The following TENM3 variants were observed in gnomAD, a reference collection of about 807,000 sequenced individuals.
The protein encoded by TENM3 is teneurin transmembrane protein 3.
TENM3 carries 63 observed loss-of-function variants against 255.1 expected under a neutral mutation model. That is an observed-to-expected ratio of 0.25 (90% CI 0.20 to 0.30). The LOEUF (loss-of-function observed/expected upper bound fraction) is 0.30. TENM3 is among the 10% of genes least tolerant of loss of function. The pLI is 1.00. For synonymous variants in TENM3, 1,306 were observed against 1,322.3 expected (o/e 0.99, Z 0.27); for missense variants, 2,929 against 3,461.1 (o/e 0.85, Z 3.86).
At chr4:181,452,379 C>T in the TENM3 span, among the ~76,000 whole-genome samples, 1 of 152,108 alleles carries the variant, frequency 6.6e-6, no homozygotes, top group African/African-American at 2.4e-5. Context: ...CCATAATCCC[C>T]TCGTGTTGTG....
chr4:181,951,546 G>T, the TENM3 span, among the ~76,000 whole-genome samples: 2 of 152,212 alleles, frequency 1.3e-5, no homozygotes, highest in Non-Finnish European at 2.9e-5. Flanking sequence ...GAACGGCAAA[G>T]TCCATATTTG....
At chr4:182,103,758 T>G in the TENM3 span, among the ~76,000 whole-genome samples, 1 of 152,196 alleles carries the variant, frequency 6.6e-6, no homozygotes, top group Non-Finnish European at 1.5e-5. Flanking sequence ...TGTGCCATTA[T>G]AATAATGGTT....
At chr4:181,932,532 G>A in the TENM3 span, among the ~76,000 whole-genome samples, 1 of 152,362 alleles carries the variant, frequency 6.6e-6, no homozygotes, top group East Asian at 1.9e-4. Context: ...TAGAGAGGAT[G>A]TGGAAAAATA....
At chr4:182,303,899 A>C (rs974828593) in intron 1 of TENM3, among the ~76,000 whole-genome samples, 2 of 152,212 alleles carry the variant, frequency 1.3e-5, no homozygotes, top group African/African-American at 4.8e-5. Flanking sequence ...TTTTAATTCG[A>C]AGCTTTCCTC....
chr4:182,624,117 G>A (rs1750590956), intron 4 of TENM3, among the ~76,000 whole-genome samples: 1 of 152,326 alleles, frequency 6.6e-6, no homozygotes, highest in South Asian at 2.1e-4. Context: ...GAGGCCAGGA[G>A]CAGGGCCTTC....
the TENM3 span, among the ~76,000 whole-genome samples, chr4:181,609,299 T>C: frequency 6.6e-6 from 1 of 152,254 alleles, no homozygotes; most frequent in Non-Finnish European, 1.5e-5. Flanking sequence ...ATAGAAATGC[T>C]TATTGCTGGA....
intron 18 of TENM3, among the ~76,000 whole-genome samples, chr4:182,739,638 A>G (rs1761448779): frequency 6.6e-6 from 1 of 152,188 alleles, no homozygotes; most frequent in African/African-American, 2.4e-5. Flanking sequence ...TTCAGTGTTC[A>G]TTCCTGCTTG....
the TENM3 span, among the ~76,000 whole-genome samples, chr4:182,134,639 A>C: frequency 6.6e-6 from 1 of 152,206 alleles, no homozygotes; most frequent in Non-Finnish European, 1.5e-5. Flanking sequence ...AAACACAGAA[A>C]GAAATTTGGA....
the TENM3 span, among the ~76,000 whole-genome samples, chr4:181,670,245 G>T: frequency 6.6e-6 from 1 of 152,114 alleles, no homozygotes; most frequent in Non-Finnish European, 1.5e-5. Context: ...CCATAGATAT[G>T]AATTTGAAAA....
Position 182,799,451 on chromosome 4 carries a change from C to A in TENM3, c.7345-145C>A, listed in dbSNP as rs1392915795. ...GGAGGGATCTCGAGTGCTCCCTCCA[C>A]CCGGGCTGTCAGCCTTCTGGTCAGG... On this transcript the variant is annotated intron_variant, in intron 27 of 27. Coordinates refer to ENST00000511685, the MANE Select transcript of TENM3 (RefSeq NM_001080477.4). The surrounding 1 kb of genome is among the most constrained non-coding windows in gnomAD (Gnocchi z 4.2). The A allele has an allele frequency of 9.7e-7, 1 of 1,029,940 alleles. No homozygotes were observed. The allele number at this position is 1,029,940 out of a possible 1,614,324, so 63.8% of individuals were successfully genotyped here.
chr4:181,641,556 A>G, the TENM3 span, among the ~76,000 whole-genome samples: 1,082 of 23,640 alleles, frequency 0.046, 5 homozygotes, highest in East Asian at 0.074. Flanking sequence ...GTGTGTGTGT[A>G]TATATATATA....
chr4:182,548,285 ATGTTTAGAATT>A (rs1741652631), intron 3 of TENM3, among the ~76,000 whole-genome samples: 1 of 152,128 alleles, frequency 6.6e-6, no homozygotes, highest in Non-Finnish European at 1.5e-5. Flanking sequence ...CCCGTGACTC[ATGTTTAGAATT>A]TTTGCAATCC....
At chr4:182,493,539 C>G (rs2151600477) in intron 3 of TENM3, among the ~76,000 whole-genome samples, 1 of 152,158 alleles carries the variant, frequency 6.6e-6, no homozygotes. Context: ...ACACAATTTC[C>G]TTTGATAAGG....
the TENM3 span, among the ~76,000 whole-genome samples, chr4:181,522,438 C>T: frequency 6.6e-6 from 1 of 152,104 alleles, no homozygotes; most frequent in Non-Finnish European, 1.5e-5. Context: ...CCAGAAAGAG[C>T]CTCCAACCTT....
At chr4:182,047,877 C>T in the TENM3 span, among the ~76,000 whole-genome samples, 1 of 152,126 alleles carries the variant, frequency 6.6e-6, no homozygotes, top group Non-Finnish European at 1.5e-5. Flanking sequence ...CAGTTTTCCA[C>T]AGCTGATTTA....
At chr4:182,166,090 T>C (rs1387037658) in intron 1 of TENM3, among the ~76,000 whole-genome samples, 1 of 152,190 alleles carries the variant, frequency 6.6e-6, no homozygotes, top group African/African-American at 2.4e-5. Flanking sequence ...TAAAAGCAGT[T>C]TTTTAAAATG....
chr4:182,537,951 T>C (rs1436385381), intron 3 of TENM3, among the ~76,000 whole-genome samples: 1 of 152,218 alleles, frequency 6.6e-6, no homozygotes, highest in Non-Finnish European at 1.5e-5. Context: ...TTGTTTGTAA[T>C]CTTCCCAGTG....
chr4:181,756,507 A>G, the TENM3 span, among the ~76,000 whole-genome samples: 3 of 152,228 alleles, frequency 2.0e-5, no homozygotes, highest in Admixed American at 6.5e-5. Flanking sequence ...ATGTGCTCCA[A>G]GATGGCCTGT....
intron 1 of TENM3, among the ~76,000 whole-genome samples, chr4:182,182,001 G>A (rs906860639): frequency 2.0e-5 from 3 of 151,886 alleles, no homozygotes; most frequent in Non-Finnish European, 4.4e-5. Flanking sequence ...ATATGTTCAG[G>A]ATAGAAACAG....
Sources: gnomAD v4.1 joint callset for allele counts (sites outside exome capture counted in the v4.1 genomes callset) on GRCh38, gnomAD v4.1.1 for gene constraint, Gnocchi (gnomAD v3.1) non-coding constraint, MANE v1.5 for transcripts, NCBI Gene and HGNC (gene_info 2026-07-23, HGNC 2026-07-21) for gene names.